IL1RAPL2: variants seen among roughly 807,000 people sequenced by gnomAD.
IL1RAPL2 encodes the protein X-linked interleukin-1 receptor accessory protein-like 2.
Under a neutral mutation model 44.1 loss-of-function variants are expected in IL1RAPL2, and 3 were observed. That is an observed-to-expected ratio of 0.07 (90% CI 0.03 to 0.18). The LOEUF (loss-of-function observed/expected upper bound fraction) is 0.18, where lower values mean the gene tolerates loss of function less well. Ranked by LOEUF, IL1RAPL2 falls within the 10% of genes least tolerant of loss-of-function variation. IL1RAPL2 has a pLI of 1.00. For missense variants in IL1RAPL2, 391 were observed against 496.4 expected, an observed-to-expected ratio of 0.79 and a Z score of 2.02; for synonymous variants, 181 against 178.8, an observed-to-expected ratio of 1.01 and a Z score of -0.10.
rs1931188641 is a variant in IL1RAPL2 at position 104,696,710 on chromosome X, A to T, written c.82+37715A>T. Reference sequence around the variant, plus strand: ...AGAGTTCAGAGGTAAATAAAATGGGATTCTACAGGAAATGAAGTTCTATGC... The same window carrying T: ...AGAGTTCAGAGGTAAATAAAATGGGTTTCTACAGGAAATGAAGTTCTATGC... On this transcript the variant is annotated intron_variant, in intron 2 of 10. Transcript: ENST00000372582. Among the ~76,000 whole-genome samples, 3 of 111,496 alleles carry T rather than the reference A, an allele frequency of 2.7e-5. No individual in the cohort carries two copies. In the Admixed American group the frequency reaches 2.9e-4, roughly 11 times the overall value.
At chrX:104,823,799 G>C (rs1194441748) in intron 2 of IL1RAPL2, among the ~76,000 whole-genome samples, 2 of 112,016 alleles carry the variant, frequency 1.8e-5, no homozygotes, top group Admixed American at 9.5e-5. Flanking sequence ...TGAGACAATG[G>C]TGTTTTCTAA....
intron 6 of IL1RAPL2, among the ~76,000 whole-genome samples, chrX:105,689,838 A>G (rs889970708): frequency 1.8e-5 from 2 of 112,349 alleles, no homozygotes; most frequent in Non-Finnish European, 3.8e-5. Flanking sequence ...TCAATGATAG[A>G]CTGGATTAAG....
At chrX:105,268,602 CTA>C (rs1491563242) in intron 5 of IL1RAPL2, among the ~76,000 whole-genome samples, 2 of 82,232 alleles carry the variant, frequency 2.4e-5, no homozygotes, top group African/African-American at 2.5e-4. Flanking sequence ...CCTGTCTCTA[CTA>C]AAAAAAAAAA....
intron 1 of IL1RAPL2, among the ~76,000 whole-genome samples, chrX:104,632,543 G>T (rs998905668): frequency 2.8e-5 from 3 of 108,810 alleles, no homozygotes; most frequent in Admixed American, 9.9e-5. Context: ...AGTTCTCCTT[G>T]AAGAGGTCCT....
chrX:105,513,486 T>C (rs894632467), intron 6 of IL1RAPL2, among the ~76,000 whole-genome samples: 17 of 112,061 alleles, frequency 1.5e-4, no homozygotes, highest in African/African-American at 5.2e-4. Context: ...TGGTACCTCA[T>C]TGTAGTTTTG....
intron 5 of IL1RAPL2, among the ~76,000 whole-genome samples, chrX:105,399,857 G>A (rs757282911): frequency 1.8e-5 from 2 of 111,460 alleles, no homozygotes; most frequent in African/African-American, 6.5e-5. Flanking sequence ...CACCTGTGGT[G>A]TCTTGAATGA....
intron 2 of IL1RAPL2, among the ~76,000 whole-genome samples, chrX:105,164,556 G>C (rs1382345333): frequency 8.9e-6 from 1 of 112,319 alleles, no homozygotes; most frequent in Admixed American, 9.4e-5. Flanking sequence ...AAGGAACAGG[G>C]CAAGAACAAG....
At chrX:105,646,571 A>G (rs2037607586) in intron 6 of IL1RAPL2, among the ~76,000 whole-genome samples, 1 of 111,791 alleles carries the variant, frequency 8.9e-6, no homozygotes, top group Non-Finnish European at 1.9e-5. Context: ...TACCTAATCA[A>G]TCAGGTGCAG....
chrX:105,449,366 C>T (rs1233376707), intron 5 of IL1RAPL2, among the ~76,000 whole-genome samples: 2 of 110,737 alleles, frequency 1.8e-5, no homozygotes, highest in African/African-American at 3.3e-5. Context: ...GGGCAGATCA[C>T]GATGTCAGGA....
At chrX:104,747,133 T>G (rs1932187987) in intron 2 of IL1RAPL2, among the ~76,000 whole-genome samples, 1 of 111,216 alleles carries the variant, frequency 9.0e-6, no homozygotes, top group Admixed American at 9.6e-5. Context: ...TTTTTCTCCT[T>G]TTCTGTCATG....
At chrX:105,604,082 C>T (rs1357269357) in intron 6 of IL1RAPL2, among the ~76,000 whole-genome samples, 1 of 109,662 alleles carries the variant, frequency 9.1e-6, no homozygotes, top group Non-Finnish European at 1.9e-5. Flanking sequence ...AATAAACAAC[C>T]CTACAATGCA....
intron 6 of IL1RAPL2, among the ~76,000 whole-genome samples, chrX:105,594,533 T>A (rs2037194494): frequency 8.9e-6 from 1 of 111,928 alleles, no homozygotes; most frequent in Non-Finnish European, 1.9e-5. Flanking sequence ...TAGCATCTGG[T>A]AGGACAAGTA....
At chrX:104,905,930 C>T (rs1923983850) in intron 2 of IL1RAPL2, among the ~76,000 whole-genome samples, 2 of 110,253 alleles carry the variant, frequency 1.8e-5, no homozygotes, top group African/African-American at 6.6e-5. Flanking sequence ...TTCTTCCTAC[C>T]CGTGAACATG....
At chrX:105,237,009 C>T (rs1005076514) in intron 4 of IL1RAPL2, among the ~76,000 whole-genome samples, 2 of 110,666 alleles carry the variant, frequency 1.8e-5, no homozygotes, top group Non-Finnish European at 3.8e-5. Context: ...CCCCACCGCA[C>T]AGCAGGACCC....
intron 2 of IL1RAPL2, among the ~76,000 whole-genome samples, chrX:105,117,146 TAAA>T (rs774934051): frequency 8.9e-6 from 1 of 112,141 alleles, no homozygotes; most frequent in Non-Finnish European, 1.9e-5. Context: ...TACAAAGTCT[TAAA>T]AAAGAACATA....
chrX:105,013,098 T>G (rs1034516916), intron 2 of IL1RAPL2, among the ~76,000 whole-genome samples: 1 of 111,248 alleles, frequency 9.0e-6, no homozygotes, highest in African/African-American at 3.3e-5. Context: ...TTGCTTTACT[T>G]CCAACTGTTT....
chrX:105,749,167 C>G, intron 9 of IL1RAPL2, 64 bp downstream of exon 9: 1 of 1,084,936 alleles, frequency 9.2e-7, no homozygotes, highest in East Asian at 3.0e-5. Context: ...TGTAAGAGAA[C>G]TTCCCTATTT....
At chrX:104,773,596 C>T (rs1231767796) in intron 2 of IL1RAPL2, among the ~76,000 whole-genome samples, 2 of 111,487 alleles carry the variant, frequency 1.8e-5, no homozygotes. Flanking sequence ...GGGCACATTA[C>T]CCAGTTAGAG....
At chrX:105,734,113 A>G (rs139973509) in intron 7 of IL1RAPL2, among the ~76,000 whole-genome samples, 2,103 of 110,003 alleles carry the variant, frequency 0.019, 43 homozygotes, top group African/African-American at 0.067. Context: ...CTTCTTAAAT[A>G]GGGCCTGAGC....
Sources: allele counts gnomAD v4.1 joint callset (sites outside exome capture counted in the v4.1 genomes callset), GRCh38; gene constraint gnomAD v4.1.1; transcripts MANE v1.5; gene names NCBI Gene and HGNC (gene_info 2026-07-23, HGNC 2026-07-21).